The following ABCG2 variants were observed in gnomAD, a reference collection of about 807,000 sequenced individuals.
The protein encoded by ABCG2 is broad substrate specificity ATP-binding cassette transporter ABCG2.
A neutral mutation model predicts 73.5 loss-of-function variants in ABCG2; 80 were observed. The observed-to-expected ratio is 1.09, with a 90% CI of 0.91 to 1.31. The LOEUF is 1.31. Ranked by LOEUF, ABCG2 falls within the 50% of genes most tolerant of loss-of-function variation. The pLI is 0.00. For missense variants in ABCG2, 796 were observed against 786.2 expected (o/e 1.01, Z -0.15); for synonymous variants, 269 against 282.4 (o/e 0.95, Z 0.48).
intron 9 of ABCG2, among the ~76,000 whole-genome samples, chr4:88,109,353 T>A (rs1253320549): frequency 6.6e-6 from 1 of 152,206 alleles, no homozygotes; most frequent in Admixed American, 6.5e-5. Context: ...TTCAAACTTG[T>A]TATCTTATAC....
At chr4:88,135,975 A>G (rs1018693338) in intron 2 of ABCG2, among the ~76,000 whole-genome samples, 1 of 152,168 alleles carries the variant, frequency 6.6e-6, no homozygotes, top group African/African-American at 2.4e-5. Context: ...TTAGAGCTAG[A>G]TTTGTCACTT....
chr4:88,171,642 CTT>C (rs1403854989), intron 1 of ABCG2, among the ~76,000 whole-genome samples: 2 of 151,188 alleles, frequency 1.3e-5, no homozygotes, highest in African/African-American at 4.9e-5. Flanking sequence ...TATCCAAAGT[CTT>C]TGTGTTTCTG....
intron 9 of ABCG2, among the ~76,000 whole-genome samples, chr4:88,110,317 G>A (rs1459600618): frequency 6.6e-6 from 1 of 152,004 alleles, no homozygotes; most frequent in Non-Finnish European, 1.5e-5. Flanking sequence ...TGAAGCGGGT[G>A]GACCCACCTG....
At chr4:88,144,345 G>A (rs1452680750) in intron 1 of ABCG2, among the ~76,000 whole-genome samples, 2 of 151,998 alleles carry the variant, frequency 1.3e-5, no homozygotes, top group African/African-American at 4.8e-5. Flanking sequence ...ATTTGCATAT[G>A]GAGATTCTTT....
chr4:88,114,114 GC>G (rs1165160494), intron 8 of ABCG2, among the ~76,000 whole-genome samples: 1 of 151,986 alleles, frequency 6.6e-6, no homozygotes, highest in Non-Finnish European at 1.5e-5. Flanking sequence ...ACCAGCCTGA[GC>G]AACGAAACGA....
intron 1 of ABCG2, among the ~76,000 whole-genome samples, chr4:88,193,611 CAAG>C (rs1728796247): frequency 6.6e-6 from 1 of 152,090 alleles, no homozygotes; most frequent in Admixed American, 6.5e-5. Flanking sequence ...ACAATGATAT[CAAG>C]CTCAACTACA....
intron 1 of ABCG2, among the ~76,000 whole-genome samples, chr4:88,208,061 G>A (rs1479565047): frequency 6.6e-6 from 1 of 151,978 alleles, no homozygotes; most frequent in Non-Finnish European, 1.5e-5. Flanking sequence ...CACTTCCAAG[G>A]AATCTCTCAA....
At chr4:88,230,547 T>A (rs1488583633) in intron 1 of ABCG2, among the ~76,000 whole-genome samples, 1 of 151,678 alleles carries the variant, frequency 6.6e-6, no homozygotes, top group Non-Finnish European at 1.5e-5. Flanking sequence ...CACTTAGGGG[T>A]AATCTGGCTT....
intron 10 of ABCG2, among the ~76,000 whole-genome samples, chr4:88,102,474 T>TA (rs1722492960): frequency 6.6e-6 from 1 of 151,890 alleles, no homozygotes; most frequent in Non-Finnish European, 1.5e-5. Context: ...CAGGTGCCTG[T>TA]AGTCCCAGCT....
chr4:88,139,703 T>G lies in ABCG2; in HGVS notation c.203+90A>C, dbSNP rs536565264. On this transcript the variant is annotated intron_variant, in intron 2 of 15. Coordinates refer to ENST00000237612, the MANE Select transcript of ABCG2 (RefSeq NM_004827.3). ...TGTGCAAAGACTTGTACAAAAATGTTCATAGCCAGTTTCTTGGAAATAGCC... is the reference window on the plus strand; with the variant it reads ...TGTGCAAAGACTTGTACAAAAATGTGCATAGCCAGTTTCTTGGAAATAGCC... 92 of 1,075,834 alleles carry G rather than the reference T, an allele frequency of 8.6e-5. No individual in the cohort carries two copies. The African/African-American group carries it at 1.4e-3, about 16-fold the overall frequency. 66.6% of individuals were successfully genotyped at this position (1,075,834 alleles called of 1,614,324 possible).
At chr4:88,107,159 A>T in intron 10 of ABCG2, 25 bp downstream of exon 10, 2 of 1,542,056 alleles carry the variant, frequency 1.3e-6, no homozygotes, top group Non-Finnish European at 1.8e-6. Flanking sequence ...GCATTTTCTG[A>T]AAATCAAGAT....
At chr4:88,222,947 G>A (rs1483202990) in intron 1 of ABCG2, among the ~76,000 whole-genome samples, 3 of 152,226 alleles carry the variant, frequency 2.0e-5, no homozygotes, top group African/African-American at 7.2e-5. Flanking sequence ...ACTTGGATAT[G>A]AGACATGAAG....
At chr4:88,205,527 C>A (rs566414112) in intron 1 of ABCG2, among the ~76,000 whole-genome samples, 1 of 152,116 alleles carries the variant, frequency 6.6e-6, no homozygotes, top group African/African-American at 2.4e-5. Flanking sequence ...GAAAACTTAC[C>A]ATTCTGTTCC....
chr4:88,112,025 G>T (rs1188401064), intron 9 of ABCG2, among the ~76,000 whole-genome samples: 2 of 151,700 alleles, frequency 1.3e-5, no homozygotes, highest in African/African-American at 4.8e-5. Context: ...GTTTGGGGTT[G>T]CAGTGAGCTA....
intron 5 of ABCG2, among the ~76,000 whole-genome samples, chr4:88,129,538 T>C (rs756490142): frequency 5.3e-5 from 8 of 152,030 alleles, no homozygotes; most frequent in Non-Finnish European, 1.0e-4. Flanking sequence ...ACTGGTAAGA[T>C]AAAATCAAAC....
chr4:88,119,363 G>A (rs768047223), intron 6 of ABCG2, among the ~76,000 whole-genome samples: 3 of 152,238 alleles, frequency 2.0e-5, no homozygotes, highest in Non-Finnish European at 2.9e-5. Flanking sequence ...TACTGGTAGA[G>A]CAGGATGCTG....
intron 7 of ABCG2, 69 bp downstream of exon 7, chr4:88,118,040 A>T: frequency 6.7e-7 from 1 of 1,493,594 alleles, no homozygotes; most frequent in Non-Finnish European, 9.1e-7. Context: ...GCACTCCTGC[A>T]GACCCCCTTT....
chr4:88,160,267 A>C (rs1026617829), upstream of ABCG2, among the ~76,000 whole-genome samples: 3 of 152,074 alleles, frequency 2.0e-5, no homozygotes, highest in African/African-American at 7.2e-5. Context: ...ATTAAGATAA[A>C]GTTTTCAGAC....
intron 15 of ABCG2, 30 bp downstream of exon 15, chr4:88,094,547 A>G (rs747196346): frequency 5.7e-6 from 9 of 1,583,402 alleles, no homozygotes; most frequent in Non-Finnish European, 6.9e-6. Context: ...GTAGTAACAA[A>G]ACCCATTTTG....
Sources: allele counts gnomAD v4.1 joint callset (sites outside exome capture counted in the v4.1 genomes callset), GRCh38; gene constraint gnomAD v4.1.1; transcripts MANE v1.5; gene names NCBI Gene and HGNC (gene_info 2026-07-23, HGNC 2026-07-21).